Variants in RAB36 observed in about 807,000 individuals in gnomAD.
The protein encoded by RAB36 is ras-related protein Rab-36.
RAB36 carries 33 observed loss-of-function variants against 39.3 expected under a neutral mutation model. The ratio of observed to expected loss-of-function variants is 0.84; its 90% CI spans 0.64 to 1.12. The LOEUF is 1.12. Among genes scored for constraint, RAB36 ranks in the 50% most tolerant of loss-of-function variants. The probability of loss-of-function intolerance (pLI) is 0.00; values close to 1 mark genes in which losing one functional copy is unlikely to be tolerated. For synonymous variants in RAB36, 133 were observed against 140.2 expected (o/e 0.95, Z 0.36); for missense variants, 308 against 355.3 (o/e 0.87, Z 1.07).
chr22:23,156,125 A>G, intron 6 of RAB36, 93 bp downstream of exon 6: 1 of 876,132 alleles, frequency 1.1e-6, no homozygotes, highest in East Asian at 4.0e-5. Flanking sequence ...CTGCACAGGC[A>G]CCAGTTTTTT....
downstream of RAB36, among the ~76,000 whole-genome samples, chr22:23,167,678 C>G (rs749376554): frequency 1.3e-5 from 2 of 152,078 alleles, no homozygotes; most frequent in Non-Finnish European, 2.9e-5. Context: ...TTGACACGTT[C>G]ACTCATTCAT....
intron 6 of RAB36, 35 bp from the exon 7 acceptor site, chr22:23,157,957 C>G: frequency 6.2e-7 from 1 of 1,613,800 alleles, no homozygotes. Context: ...CCTCGCCTGG[C>G]ACTGATTGGC....
rs1328612129 is a variant in RAB36 at position 23,165,239 on chromosome 22, A to G, written c.*3675A>G. Among the ~76,000 whole-genome samples the G allele has an allele frequency of 6.6e-6, 1 of 152,204 alleles. No homozygotes were observed. Among genetic ancestry groups the G allele is most frequent in the Admixed American group, 6.5e-5 (1 of 15,284 alleles). On this transcript the variant is annotated 3_prime_UTR_variant, in exon 11 of 11. Transcript: ENST00000263116. ...GCAAGAAGGTTGCTCAAACAAGACCATGTTCCCAGCAGACAGATTGCACTC... is the reference window on the plus strand; with the variant it reads ...GCAAGAAGGTTGCTCAAACAAGACCGTGTTCCCAGCAGACAGATTGCACTC...
downstream of RAB36, among the ~76,000 whole-genome samples, chr22:23,167,166 G>A (rs1420306875): frequency 6.6e-6 from 1 of 152,040 alleles, no homozygotes; most frequent in Non-Finnish European, 1.5e-5. Flanking sequence ...TGCTGCAGGT[G>A]CCCTCACCCC....
intron 4 of RAB36, among the ~76,000 whole-genome samples, 170 bp downstream of exon 4, chr22:23,152,696 G>A (rs1456562427): frequency 6.6e-6 from 1 of 152,232 alleles, no homozygotes. Context: ...AAATCGGGGA[G>A]ATGGCAGGGC....
intron 6 of RAB36, 192 bp downstream of exon 6, chr22:23,156,224 A>C: frequency 3.6e-6 from 2 of 557,274 alleles, no homozygotes; most frequent in Non-Finnish European, 3.3e-6. Context: ...GACTTTGGCG[A>C]TCACACCCTT....
In RAB36 at chr22:23,162,792, C is replaced by T. The variant is rs537343221; in HGVS notation, c.*1228C>T. 1 of 455,690 alleles carries T rather than the reference C, an allele frequency of 2.2e-6. No homozygotes were observed. Among genetic ancestry groups the T allele is most frequent in the South Asian group, 1.5e-5 (1 of 64,548 alleles). 28.2% of individuals were successfully genotyped at this position (455,690 alleles called of 1,614,324 possible). A position where few individuals can be genotyped will look rare whatever the true frequency, so the allele number is the denominator to read the frequency against. On this transcript the variant is annotated 3_prime_UTR_variant, in exon 11 of 11. Transcript: ENST00000263116. ...TACTGCTCTCCTAGGGCCTGGCACA[C>T]TGCAGCTGCCCTGTAAATGTTCAGC...
chr22:23,152,026 G>A (rs891360513), intron 3 of RAB36, among the ~76,000 whole-genome samples: 1 of 152,336 alleles, frequency 6.6e-6, no homozygotes, highest in Admixed American at 6.5e-5. Context: ...ATAGGAGGGT[G>A]AGGGGCTGCC....
At chr22:23,146,871 A>G (rs886441460) in intron 2 of RAB36, among the ~76,000 whole-genome samples, 186 bp downstream of exon 2, 2 of 152,196 alleles carry the variant, frequency 1.3e-5, no homozygotes, top group Non-Finnish European at 1.5e-5. Context: ...TAATGGTGAC[A>G]CTGGGCAGCA....
At chr22:23,157,653 CTG>C (rs1305467259) in intron 6 of RAB36, among the ~76,000 whole-genome samples, 1 of 152,220 alleles carries the variant, frequency 6.6e-6, no homozygotes, top group Non-Finnish European at 1.5e-5. Context: ...GGTGGGAAAA[CTG>C]AGGCTCTCAG....
chr22:23,161,058 G>A (rs774821857), intron 10 of RAB36, 60 bp downstream of exon 10: 27 of 1,540,408 alleles, frequency 1.8e-5, no homozygotes, highest in Non-Finnish European at 2.3e-5. Flanking sequence ...AAATCCACAT[G>A]CGCCATCCTC....
rs866307546 is a variant in RAB36, at chr22:23,155,019, G to C, written c.330-949G>C. On this transcript the variant is annotated intron_variant, in intron 5 of 10. Coordinates refer to ENST00000263116, the MANE Select transcript of RAB36 (RefSeq NM_004914.5). Reference sequence around the variant, plus strand: ...GCATGCCTGTAATCCAAGCTACTTGGGAGGCTGAGGCAGGAGAATTGCTTG... The same window carrying C: ...GCATGCCTGTAATCCAAGCTACTTGCGAGGCTGAGGCAGGAGAATTGCTTG... Among the ~76,000 whole-genome samples the C allele has an allele frequency of 7.2e-5, 11 of 152,262 alleles. No individual in the cohort carries two copies. The South Asian group carries it at 2.3e-3, about 32-fold the overall frequency.
rs181313645 is a variant in RAB36 at position 23,162,834 on chromosome 22, A to C, written c.*1270A>C. On this transcript the variant is annotated 3_prime_UTR_variant, in exon 11 of 11. Coordinates refer to ENST00000263116, the MANE Select transcript of RAB36 (RefSeq NM_004914.5). ...ATGTTCAGCTCAGCGATTGCCAAAT[A>C]CCAGTTAGGGAAGAACACTGGCATC... 346 of 437,654 alleles carry C rather than the reference A, an allele frequency of 7.9e-4. 2 individuals carry two copies. Among genetic ancestry groups the C allele is most frequent in the African/African-American group, 6.5e-3 (323 of 49,854 alleles). The allele number at this position is 437,654 out of a possible 1,614,324, so 27.1% of individuals were successfully genotyped here. A position where few individuals can be genotyped will look rare whatever the true frequency, so the allele number is the denominator to read the frequency against.
Position 23,160,936 on chromosome 22 carries a change from T to C in RAB36, c.677T>C (p.Val226Ala), listed in dbSNP as rs1373085578. 6.2e-7 allele frequency: 1 copy of C among 1,613,830 alleles called. No homozygotes were observed. The highest frequency in any genetic ancestry group is 1.1e-5 in the South Asian group (1 of 91,074). ...RVAALAFEQS[V>A]LQDLERQSSA... ...GCCGCCCTGGCATTCGAGCAGTCGG[T>C]GCTGCAGGACCTGGAGAGGCAGAGC... Residue 226 changes from valine (V) to alanine (A), a missense_variant, in exon 10 of 11, where the codon GTG becomes GCG. Physicochemically the swap from Val to Ala is moderately conservative, Grantham distance 64 (BLOSUM62 0). Transcript: ENST00000263116.
At chr22:23,158,811 C>A in intron 7 of RAB36, 87 bp from the exon 8 acceptor site, 5 of 1,188,970 alleles carry the variant, frequency 4.2e-6, no homozygotes, top group Non-Finnish European at 6.2e-6. Flanking sequence ...AGCACTTCAG[C>A]CCTGGGGAGG....
At chr22:23,158,066 C>T in intron 7 of RAB36, 23 bp downstream of exon 7, 2 of 1,613,784 alleles carry the variant, frequency 1.2e-6, no homozygotes, top group Non-Finnish European at 1.7e-6. Context: ...TCTCTGGCCC[C>T]TGCAGTCTCC....
intron 3 of RAB36, among the ~76,000 whole-genome samples, chr22:23,152,092 C>G (rs1486778015): frequency 1.3e-5 from 2 of 152,262 alleles, no homozygotes; most frequent in African/African-American, 2.4e-5. Context: ...ACCCTCAGCA[C>G]AGCTCCCGGA....
At chr22:23,146,868 G>A (rs2070807602) in intron 2 of RAB36, among the ~76,000 whole-genome samples, 183 bp downstream of exon 2, 2 of 152,224 alleles carry the variant, frequency 1.3e-5, no homozygotes, top group African/African-American at 2.4e-5. Context: ...AGTTAATGGT[G>A]ACACTGGGCA....
rs1055270522 is a variant in RAB36 at position 23,160,915 on chromosome 22, C to A, written c.656C>A (p.Ala219Asp). Residue 219 changes from alanine to aspartate, a missense_variant, in exon 10 of 11, where the codon GCC (alanine) becomes GAC (aspartate). By Grantham distance (126) the Ala-to-Asp change is moderately radical. Transcript: ENST00000263116. ...AAGGCATTCTTCAGCCGCGTAGCCG[C>A]CCTGGCATTCGAGCAGTCGGTGCTG... is the stretch of plus-strand genomic sequence containing the variant. ...NVKAFFSRVA[A>D]LAFEQSVLQD... is the part of the protein sequence containing the mutation. 1.2e-6 allele frequency: 2 copies of A among 1,613,806 alleles called. No individual in the cohort carries two copies. Among genetic ancestry groups the A allele is most frequent in the African/African-American group, 2.7e-5 (2 of 74,938 alleles).
Sources: gnomAD v4.1 joint callset for allele counts (sites outside exome capture counted in the v4.1 genomes callset) on GRCh38, gnomAD v4.1.1 for gene constraint, MANE v1.5 for transcripts, NCBI Gene and HGNC (gene_info 2026-07-23, HGNC 2026-07-21) for gene names.